COL2A1: variants seen among roughly 807,000 people sequenced by gnomAD.
The protein encoded by COL2A1 is collagen alpha-1(II) chain.
Under a neutral mutation model 204.5 loss-of-function variants are expected in COL2A1, and 28 were observed. The ratio of observed to expected loss-of-function variants is 0.14; its 90% confidence interval spans 0.10 to 0.19. The LOEUF (loss-of-function observed/expected upper bound fraction) is 0.19. Among genes scored for constraint, COL2A1 ranks in the 10% least tolerant of loss-of-function variants. The pLI is 1.00. For missense variants in COL2A1, 1,388 were observed against 2,027.5 expected, an observed-to-expected ratio of 0.68 and a Z score of 6.06; for synonymous variants, 708 against 718.7, an observed-to-expected ratio of 0.99 and a Z score of 0.24.
At chr12:47,996,452 G>T in intron 8 of COL2A1, 96 bp downstream of exon 8, 1 of 1,035,312 alleles carries the variant, frequency 9.7e-7, no homozygotes. Flanking sequence ...GCCACTCTAA[G>T]CAATTATCTG....
At chr12:47,984,032 A>C (rs1592214195) in intron 29 of COL2A1, 55 bp downstream of exon 29, 1 of 1,478,490 alleles carries the variant, frequency 6.8e-7, no homozygotes, top group South Asian at 1.2e-5. Context: ...TCCCACCCCC[A>C]CCCCTCCCAG....
intron 22 of COL2A1, 45 bp from the exon 23 acceptor site, chr12:47,986,488 C>T (rs1237540594): frequency 5.4e-6 from 7 of 1,296,262 alleles, no homozygotes; most frequent in African/African-American, 1.5e-5. Context: ...CTTCACCTGG[C>T]CTTGGAGCAA....
chr12:47,977,865 G>A (rs547693952), intron 44 of COL2A1, 145 bp downstream of exon 44: 3 of 920,140 alleles, frequency 3.3e-6, no homozygotes, highest in East Asian at 2.6e-5. Flanking sequence ...CCTTCCCATT[G>A]TACCTAGGCT....
intron 10 of COL2A1, 130 bp downstream of exon 10, chr12:47,995,580 C>T: frequency 4.0e-6 from 4 of 1,003,690 alleles, no homozygotes; most frequent in Non-Finnish European, 6.4e-6. Context: ...GAAGTGACAT[C>T]CGAATTTCCT....
Position 47,975,369 on chromosome 12 carries a change from G to T in COL2A1, c.3834C>A (p.Asn1278Lys). Residue 1278 changes from asparagine (N) to lysine (K), a missense_variant, in exon 51 of 54, where the codon AAC becomes AAA. Transcript: ENST00000380518. ...TCAGGTCTCTGCAGGTGCGAGCAGG[G>T]TTCTTGCGGGAGCCCTCGGGGCTGC... ...SIRSPEGSRKNPARTCRDLKL... is the reference protein window; with the variant it reads ...SIRSPEGSRKKPARTCRDLKL... 1 of 1,614,194 alleles carries T rather than the reference G, an allele frequency of 6.2e-7. No individual in the cohort carries two copies. Among genetic ancestry groups the T allele is most frequent in the Non-Finnish European group, 8.5e-7 (1 of 1,180,044 alleles).
In COL2A1 at chr12:47,974,659, G is replaced by C; in HGVS notation, c.4074+16C>G. The stretch of plus-strand genomic sequence containing the variant: ...GAGCCATCTCTGCTCATCATCTAGG[G>C]CACCCAGGTACTCACATGGAAGCCA... On this transcript the variant is annotated intron_variant, in intron 52 of 53. Transcript: ENST00000380518. The C allele has an allele frequency of 1.2e-6, 2 of 1,613,646 alleles. No individual in the cohort carries two copies. Among genetic ancestry groups the C allele is most frequent in the Non-Finnish European group, 1.7e-6 (2 of 1,179,650 alleles).
chr12:47,990,162 C>A (rs1038485685), intron 16 of COL2A1, among the ~76,000 whole-genome samples: 37 of 152,220 alleles, frequency 2.4e-4, no homozygotes, highest in African/African-American at 8.9e-4. Context: ...TGTCACCACA[C>A]CTGGCTATTT....
At chr12:48,004,182 A>G (rs1156992566) in intron 1 of COL2A1, 55 bp downstream of exon 1, 12 of 1,298,852 alleles carry the variant, frequency 9.2e-6, no homozygotes, top group Non-Finnish European at 1.2e-5. Context: ...GGGGAGAAGG[A>G]TGCTGAGGGA....
At position 47,995,907 on chromosome 12, in the gene COL2A1, G is replaced by A; in HGVS notation, c.622C>T (p.Pro208Ser). Residue 208 changes from proline (P) to serine (S), a missense_variant, in exon 9 of 54, where the codon CCT (proline) becomes TCT (serine). Pro to Ser is a moderately conservative substitution (Grantham distance 74). Around this residue, in one of 3 missense-constraint regions of COL2A1, gnomAD observed 884 missense variants for 1,415.8 expected, o/e 0.62. Transcript: ENST00000380518. ...CCTGCAGGGCCTGGAGGTCCTCGAG[G>A]TCCCATGGGGCCCTGCATCGGAACA... The part of the protein sequence containing the change: ...VMQGPMGPMG[P>S]RGPPGPAGAP... 1 of 1,613,598 alleles carries A rather than the reference G, an allele frequency of 6.2e-7. No individual in the cohort carries two copies. The highest frequency in any genetic ancestry group is 8.5e-7 in the Non-Finnish European group (1 of 1,179,520).
rs562069542 is a variant in COL2A1, at chr12:48,000,544, G to A, written c.86-419C>T. Reference sequence around the variant, plus strand: ...ATAAAAAGAAAGGAGACAGAAAAATGGCGAGACCTCCCTTCCACCAGCCCA... The same window carrying A: ...ATAAAAAGAAAGGAGACAGAAAAATAGCGAGACCTCCCTTCCACCAGCCCA... On this transcript the variant is annotated intron_variant, in intron 1 of 53. Transcript: ENST00000380518. 6.6e-5 allele frequency among the ~76,000 whole-genome samples: 10 copies of A among 152,254 alleles called. No individual in the cohort carries two copies. In the South Asian group the frequency reaches 1.7e-3, roughly 25 times the overall value.
At chr12:47,999,634 ATT>A (rs10708850) in intron 2 of COL2A1, 3,682 of 155,590 alleles carry the variant, frequency 0.024, 7 homozygotes, top group Middle Eastern at 0.06. Flanking sequence ...TTCAGAGAGG[ATT>A]TTTTTTTTTT....
chr12:47,995,687 G>A, intron 10 of COL2A1, 23 bp downstream of exon 10: 3 of 1,612,802 alleles, frequency 1.9e-6, no homozygotes, highest in Non-Finnish European at 2.5e-6. Context: ...CCAGAGAAGG[G>A]ACAGGGCCGT....
rs1247674624 is a variant in COL2A1 at position 47,987,164 on chromosome 12, T to C, written c.1279A>G (p.Ile427Val). The change falls in exon 21 of 54, where the codon ATT (isoleucine) becomes GTT (valine). Residue 427 changes from isoleucine (I) to valine (V), a missense_variant. Physicochemically the swap from Ile to Val is conservative, Grantham distance 29. This residue lies in a region of COL2A1 where 884 missense variants were observed against 1,415.8 expected (regional missense o/e 0.62). Transcript: ENST00000380518. The surrounding 1 kb of genome is among the most constrained non-coding windows in gnomAD (Gnocchi z 4.1). ...CCAGGGAAGCCAGGAGCACCAGCAATGCCAGGAGCACCCTGTGGGCATGAG... is the reference window on the plus strand; with the variant it reads ...CCAGGGAAGCCAGGAGCACCAGCAACGCCAGGAGCACCCTGTGGGCATGAG... ...GAKGSAGAPG[I>V]AGAPGFPGPR... The C allele has an allele frequency of 8.1e-6, 13 of 1,613,752 alleles. No homozygotes were observed. Among genetic ancestry groups the C allele is most frequent in the Non-Finnish European group, 1.1e-5 (13 of 1,179,926 alleles).
chr12:47,986,345 AG>A lies in COL2A1; in HGVS notation c.1517del (p.Pro506LeufsTer123). The A allele has an allele frequency of 1.3e-6, 2 of 1,559,950 alleles. No individual in the cohort carries two copies. The highest frequency in any genetic ancestry group is 2.4e-5 in the East Asian group (1 of 41,928). On this transcript the variant is annotated frameshift_variant, in exon 23 of 54. Coordinates refer to ENST00000380518, the MANE Select transcript of COL2A1 (RefSeq NM_001844.5). LOFTEE classifies it high-confidence loss of function. ...EPGGVGPIGP[P>X]GERGAPGNRG... ...TCCACATTCACTTAACTCTTTCTCCAGGGGGACCGATGGGCCCAACGCCACC... is the reference window on the plus strand; with the variant it reads ...TCCACATTCACTTAACTCTTTCTCCAGGGGACCGATGGGCCCAACGCCACC...
chr12:47,998,240 C>T (rs1483868395), intron 3 of COL2A1, 39 bp from the exon 4 acceptor site: 4 of 1,613,782 alleles, frequency 2.5e-6, no homozygotes, highest in Non-Finnish European at 3.4e-6. Context: ...GCCGAGTAAG[C>T]CCACTAAGCC....
At position 47,976,465 on chromosome 12, in the gene COL2A1, C is replaced by T. The variant is rs1360643421; in HGVS notation, c.3489+49G>A. 6.3e-7 allele frequency: 1 copy of T among 1,596,914 alleles called. No individual in the cohort carries two copies. Among genetic ancestry groups the T allele is most frequent in the Non-Finnish European group, 8.6e-7 (1 of 1,164,444 alleles). ...TTTCCCTCCCCATGGGAACACAGGC[C>T]CACACTCTCTGAAGGGCCCCCTCCA... On this transcript the variant is annotated intron_variant, in intron 49 of 53. Coordinates refer to ENST00000380518, the MANE Select transcript of COL2A1 (RefSeq NM_001844.5). This position sits in a 1 kb window ranked among gnomAD's most constrained non-coding sequence, Gnocchi z 4.3.
At chr12:47,986,738 G>C (rs1939440234) in intron 22 of COL2A1, 97 bp downstream of exon 22, 2 of 1,385,242 alleles carry the variant, frequency 1.4e-6, no homozygotes, top group Non-Finnish European at 2.1e-6. Context: ...TTGGGGGATA[G>C]AGCCCTGGAG....
Position 47,987,851 on chromosome 12 carries a change from TCA to T in COL2A1, c.1123-144_1123-143del, listed in dbSNP as rs1356873523. Reference sequence around the variant, plus strand: ...CAACCCTGCACATGAACATGTGCGTTCACACACAGTTCACGCTGCCGTTTTTC... The same window carrying T: ...CAACCCTGCACATGAACATGTGCGTTCACACAGTTCACGCTGCCGTTTTTC... On this transcript the variant is annotated intron_variant, in intron 18 of 53. Transcript: ENST00000380518. This position sits in a 1 kb window ranked among gnomAD's most constrained non-coding sequence, Gnocchi z 4.1. 4.3e-6 allele frequency: 3 copies of T among 699,992 alleles called. No individual in the cohort carries two copies. Among genetic ancestry groups the T allele is most frequent in the Non-Finnish European group, 5.1e-6 (2 of 392,826 alleles). 43.4% of individuals were successfully genotyped at this position (699,992 alleles called of 1,614,324 possible). A position where few individuals can be genotyped will look rare whatever the true frequency, so the allele number is the denominator to read the frequency against.
intron 18 of COL2A1, 48 bp downstream of exon 18, chr12:47,989,180 C>G (rs1939581177): frequency 6.6e-7 from 1 of 1,521,796 alleles, no homozygotes; most frequent in South Asian, 1.2e-5. Context: ...GGGGAAAGGA[C>G]AGCTTCTCGG....
Sources: gnomAD v4.1 joint callset for allele counts (sites outside exome capture counted in the v4.1 genomes callset) on GRCh38, gnomAD v4.1.1 for gene constraint, gnomAD v4.1.1 regional missense constraint, Gnocchi (gnomAD v3.1) non-coding constraint, MANE v1.5 for transcripts, NCBI Gene and HGNC (gene_info 2026-07-23, HGNC 2026-07-21) for gene names.